Variants in CFAP70 observed in about 807,000 individuals in gnomAD.
CFAP70 encodes the protein cilia- and flagella-associated protein 70.
Under a neutral mutation model 137.6 loss-of-function variants are expected in CFAP70, and 81 were observed. The observed-to-expected ratio is 0.59, with a 90% CI of 0.49 to 0.71. The LOEUF is 0.71. Ranked by LOEUF, CFAP70 falls within the 30% of genes least tolerant of loss-of-function variation. The pLI is 0.00. For missense variants in CFAP70, 976 were observed against 1,226.7 expected, an observed-to-expected ratio of 0.80 and a Z score of 3.05; for synonymous variants, 382 against 423.6, an observed-to-expected ratio of 0.90 and a Z score of 1.20.
intron 22 of CFAP70, 55 bp from the exon 24 acceptor site, chr10:73,274,649 T>A: frequency 7.0e-7 from 1 of 1,424,590 alleles, no homozygotes; most frequent in Non-Finnish European, 9.5e-7. Context: ...TAAAAGTACC[T>A]TGATGATCTT....
rs116985960 is a variant in CFAP70 at position 73,287,220 on chromosome 10, G to A, written c.2239+4006C>T. 8.0e-3 allele frequency among the ~76,000 whole-genome samples: 1,219 copies of A among 152,326 alleles called. 7 individuals are homozygous for A. Among genetic ancestry groups the A allele is most frequent in the Non-Finnish European group, 0.012 (796 of 68,030 alleles). On this transcript the variant is annotated intron_variant, in intron 19 of 26. Transcript: ENST00000310715. The stretch of plus-strand genomic sequence containing the variant: ...AACAGTAAACTATAATAAAAGTGAT[G>A]AAATGGGAATTTCAGAGCCTATTGC...
At chr10:73,301,823 G>A (rs1252782818) in intron 12 of CFAP70, among the ~76,000 whole-genome samples, 1 of 152,132 alleles carries the variant, frequency 6.6e-6, no homozygotes, top group African/African-American at 2.4e-5. Flanking sequence ...AAGCTTGAGG[G>A]AGGCACAGCT....
At chr10:73,358,849 G>A (rs1266803450), upstream of CFAP70, 2 of 152,288 alleles carry the variant, frequency 1.3e-5, no homozygotes, top group East Asian at 3.8e-4. Flanking sequence ...CAGGGAGCGA[G>A]ACGCTGAGCT....
intron 3 of CFAP70, among the ~76,000 whole-genome samples, chr10:73,350,760 G>A (rs541903723): frequency 6.6e-6 from 1 of 151,376 alleles, no homozygotes; most frequent in African/African-American, 2.4e-5. Flanking sequence ...ATTTATTTTG[G>A]TTTGTTTGTT....
At chr10:73,274,064 C>G (rs11813724) in intron 23 of CFAP70, among the ~76,000 whole-genome samples, 3,724 of 152,226 alleles carry the variant, frequency 0.024, 159 homozygotes, top group African/African-American at 0.083. Flanking sequence ...TAAATATAAC[C>G]CTTTGTGTTT....
At chr10:73,354,648 G>T in intron 2 of CFAP70, 86 bp downstream of exon 2, 1 of 1,060,562 alleles carries the variant, frequency 9.4e-7, no homozygotes, top group Non-Finnish European at 1.4e-6. Context: ...CAGGAGGTTT[G>T]GAGGTAGAGA....
In CFAP70 at chr10:73,338,231, G is replaced by A. The variant is rs1218923501; in HGVS notation, c.583-2707C>T. On this transcript the variant is annotated intron_variant, in intron 6 of 26. Transcript: ENST00000310715. ...ACAGTCTCGGCTCACTGCAGCCTCC[G>A]CCTCCGTGTCCCGGGTTCAAGCGAT... Among the ~76,000 whole-genome samples, 4 of 137,140 alleles carry A rather than the reference G, an allele frequency of 2.9e-5. No homozygotes were observed. In the East Asian group the frequency reaches 7.1e-4, roughly 24 times the overall value. 90.0% of individuals were successfully genotyped at this position (137,140 alleles called of 152,430 possible).
intron 12 of CFAP70, among the ~76,000 whole-genome samples, chr10:73,300,790 G>A (rs181773243): frequency 1.3e-5 from 2 of 152,292 alleles, no homozygotes; most frequent in East Asian, 3.9e-4. Flanking sequence ...GAACCTGGGA[G>A]GCAGAGGTGC....
In CFAP70 at chr10:73,293,400, C is replaced by A; in HGVS notation, c.1645-12G>T. On this transcript the variant is annotated splice_polypyrimidine_tract_variant and intron_variant, in intron 15 of 26. Transcript: ENST00000310715. ...TCATCTGGCATGGTCTTGTCAATGTCAAGATGTTAGGTAGACAAAAATGAA... is the reference window on the plus strand; with the variant it reads ...TCATCTGGCATGGTCTTGTCAATGTAAAGATGTTAGGTAGACAAAAATGAA... 1 of 1,575,992 alleles carries A rather than the reference C, an allele frequency of 6.3e-7. No individual in the cohort carries two copies. The highest frequency in any genetic ancestry group is 1.2e-5 in the South Asian group (1 of 85,006).
intron 23 of CFAP70, among the ~76,000 whole-genome samples, chr10:73,273,298 G>A (rs1373560655): frequency 6.6e-6 from 1 of 152,166 alleles, no homozygotes; most frequent in Non-Finnish European, 1.5e-5. Flanking sequence ...GAAAGTGGGG[G>A]CAACCATCAT....
chr10:73,266,543 C>G (rs2045789963), intron 25 of CFAP70, among the ~76,000 whole-genome samples: 2 of 152,060 alleles, frequency 1.3e-5, no homozygotes, highest in East Asian at 3.9e-4. Context: ...TTATCTTGTT[C>G]CTGACTTCAA....
At chr10:73,306,163 A>G (rs1338976177) in intron 12 of CFAP70, among the ~76,000 whole-genome samples, 3 of 152,180 alleles carry the variant, frequency 2.0e-5, no homozygotes, top group Non-Finnish European at 4.4e-5. Context: ...AAAAGAATGA[A>G]GAAAAGTGAA....
intron 9 of CFAP70, among the ~76,000 whole-genome samples, chr10:73,322,428 A>G (rs1343342182): frequency 2.0e-5 from 3 of 152,154 alleles, no homozygotes; most frequent in African/African-American, 7.2e-5. Context: ...ATGTTTTTAA[A>G]TAGCCAGGCA....
Position 73,302,883 on chromosome 10 carries a change from C to CTTT in CFAP70, c.1257-3221_1257-3219dup, listed in dbSNP as rs1554895440. Among the ~76,000 whole-genome samples, 228 of 130,972 alleles carry CTTT rather than the reference C, an allele frequency of 1.7e-3. 4 individuals are homozygous for CTTT. Among genetic ancestry groups the CTTT allele is most frequent in the African/African-American group, 6.3e-3 (215 of 34,030 alleles). 85.9% of individuals were successfully genotyped at this position (130,972 alleles called of 152,430 possible). A position where few individuals can be genotyped will look rare whatever the true frequency, so the allele number is the denominator to read the frequency against. ...ATAATTTTCTTTTTTCTTTTCTTTT[C>CTTT]TTTTTTTTTTTTTTTTGAGAGAGGG... is the stretch of plus-strand genomic sequence containing the variant. On this transcript the variant is annotated intron_variant, in intron 12 of 26. Transcript: ENST00000310715.
intron 15 of CFAP70, chr10:73,296,499 T>C (rs895431473): frequency 1.3e-5 from 2 of 152,214 alleles, no homozygotes; most frequent in Non-Finnish European, 2.9e-5. Flanking sequence ...TTGTCACTGG[T>C]TTCAAATAAA....
exon 3 of CFAP70, chr10:73,353,571 G>A (rs1379383658): frequency 3.7e-6 from 6 of 1,614,084 alleles, no homozygotes; most frequent in Non-Finnish European, 5.1e-6. Context: ...ACAGGTTTGT[G>A]AGCGAGGTCA....
intron 12 of CFAP70, among the ~76,000 whole-genome samples, chr10:73,309,166 C>T (rs771099015): frequency 1.3e-5 from 2 of 152,044 alleles, no homozygotes; most frequent in Non-Finnish European, 2.9e-5. Context: ...AGAGAGAAGA[C>T]ATGAAAGTGG....
At chr10:73,354,672 C>A in intron 2 of CFAP70, 62 bp downstream of exon 2, 1 of 1,413,840 alleles carries the variant, frequency 7.1e-7, no homozygotes, top group South Asian at 1.2e-5. Flanking sequence ...AAGCAAAATT[C>A]CATTCCTCCT....
At chr10:73,331,372 A>G in intron 7 of CFAP70, 96 bp from the exon 9 acceptor site, 2 of 1,023,398 alleles carry the variant, frequency 2.0e-6, no homozygotes, top group Non-Finnish European at 2.8e-6. Context: ...AAAGTAATAT[A>G]GAATATACAT....
Sources: gnomAD v4.1 joint callset for allele counts (sites outside exome capture counted in the v4.1 genomes callset) on GRCh38, gnomAD v4.1.1 for gene constraint, MANE v1.5 for transcripts, NCBI Gene and HGNC (gene_info 2026-07-23, HGNC 2026-07-21) for gene names.